The following FHAD1 variants were observed in gnomAD, a reference collection of about 807,000 sequenced individuals.
FHAD1 encodes forkhead-associated domain-containing protein 1.
FHAD1 carries 146 observed loss-of-function variants against 191.3 expected under a neutral mutation model. The observed-to-expected ratio is 0.76, with a 90% CI of 0.67 to 0.88. FHAD1 has a LOEUF of 0.88. Among genes scored for constraint, FHAD1 ranks in the 40% least tolerant of loss-of-function variants. The pLI, the probability that FHAD1 is intolerant of heterozygous loss-of-function variation, is 0.00. For synonymous variants in FHAD1, 616 were observed against 672.3 expected (o/e 0.92, Z 1.29); for missense variants, 1,635 against 1,785.8 (o/e 0.92, Z 1.52).
At chr1:15,328,547 C>A (rs1679843224) in intron 13 of FHAD1, 118 bp downstream of exon 13, 3 of 838,556 alleles carry the variant, frequency 3.6e-6, no homozygotes. Flanking sequence ...GCTTTTCTAT[C>A]CACTTTTTCC....
chr1:15,302,463 C>T (rs1210804156), intron 6 of FHAD1, among the ~76,000 whole-genome samples: 2 of 152,044 alleles, frequency 1.3e-5, no homozygotes, highest in Non-Finnish European at 2.9e-5. Flanking sequence ...CGGTGGCGCA[C>T]GCCTGTAATC....
At chr1:15,368,980 G>A (rs568434100) in intron 25 of FHAD1, among the ~76,000 whole-genome samples, 14 of 152,258 alleles carry the variant, frequency 9.2e-5, no homozygotes, top group Non-Finnish European at 1.5e-5. Context: ...TTACAAGAAA[G>A]GTGACTGCAG....
chr1:15,390,536 C>T lies in FHAD1; in HGVS notation c.4270-674C>T, dbSNP rs1703723239. Among the ~76,000 whole-genome samples, 5 of 152,052 alleles carry T rather than the reference C, an allele frequency of 3.3e-5. No individual in the cohort carries two copies. In the South Asian group the frequency reaches 1.0e-3, roughly 32 times the overall value. ...CTCACCGCCTTCTTTGACTTCCTGG[C>T]CCCTGTAGGCATGAGGTTGGTGACC... is the stretch of plus-strand genomic sequence containing the variant. On this transcript the variant is annotated intron_variant, in intron 32 of 33. Transcript: ENST00000688493.
At chr1:15,259,160 A>G (rs1003885851) in intron 2 of FHAD1, among the ~76,000 whole-genome samples, 2 of 151,842 alleles carry the variant, frequency 1.3e-5, no homozygotes, top group South Asian at 2.1e-4. Flanking sequence ...TCTGAGACAC[A>G]TTGCTGTCTC....
intron 6 of FHAD1, among the ~76,000 whole-genome samples, chr1:15,307,832 A>G (rs1357246285): frequency 6.6e-6 from 1 of 151,170 alleles, no homozygotes; most frequent in Non-Finnish European, 1.5e-5. Context: ...CCGGGTTCAC[A>G]CCATTCTCCT....
At chr1:15,353,903 G>A (rs1347003128) in intron 20 of FHAD1, among the ~76,000 whole-genome samples, 2 of 151,994 alleles carry the variant, frequency 1.3e-5, no homozygotes, top group East Asian at 1.9e-4. Context: ...AGTGGATTTC[G>A]CACCTGACCC....
chr1:15,380,937 C>G, intron 29 of FHAD1, 141 bp downstream of exon 29: 1 of 664,070 alleles, frequency 1.5e-6, no homozygotes, highest in East Asian at 2.7e-5. Flanking sequence ...ACCTACTATC[C>G]CAGCATGGGT....
intron 1 of FHAD1, among the ~76,000 whole-genome samples, chr1:15,241,117 A>G (rs1344980310): frequency 6.6e-6 from 1 of 152,212 alleles, no homozygotes; most frequent in African/African-American, 2.4e-5. Context: ...CCTGACCCAC[A>G]GAATCTGTGA....
upstream of FHAD1, among the ~76,000 whole-genome samples, chr1:15,244,701 A>G (rs10927748): frequency 0.11 from 17,489 of 152,198 alleles, 2,220 homozygotes; most frequent in African/African-American, 0.32. This position sits in a 1 kb window ranked among gnomAD's most constrained non-coding sequence, Gnocchi z 5.1. Flanking sequence ...GCACAGCAGC[A>G]AACAAAACAT....
At chr1:15,321,935 A>G (rs150796663) in intron 10 of FHAD1, among the ~76,000 whole-genome samples, 2 of 152,386 alleles carry the variant, frequency 1.3e-5, no homozygotes, top group Admixed American at 6.5e-5. Context: ...CTTTCAGCAC[A>G]TTACAGATGA....
chr1:15,384,571 C>T (rs1483562895), intron 31 of FHAD1: 1 of 152,218 alleles, frequency 6.6e-6, no homozygotes, highest in East Asian at 1.9e-4. Context: ...ATAATCAGTC[C>T]ACATGCATTA....
intron 6 of FHAD1, among the ~76,000 whole-genome samples, chr1:15,301,783 T>G (rs909300330): frequency 6.6e-6 from 1 of 152,218 alleles, no homozygotes; most frequent in Admixed American, 6.5e-5. Flanking sequence ...ATCTGGCACT[T>G]TGGGAGGCTG....
At chr1:15,323,664 C>T (rs1403555042) in intron 10 of FHAD1, among the ~76,000 whole-genome samples, 1 of 152,076 alleles carries the variant, frequency 6.6e-6, no homozygotes, top group Non-Finnish European at 1.5e-5. Context: ...CAGCAGATGC[C>T]CAAAATGTTC....
At chr1:15,240,062 G>A (rs1226149024) in intron 1 of FHAD1, among the ~76,000 whole-genome samples, 1 of 152,182 alleles carries the variant, frequency 6.6e-6, no homozygotes, top group East Asian at 1.9e-4. Context: ...CTTATTTTAA[G>A]CTGTAGAATA....
At position 15,362,660 on chromosome 1, in the gene FHAD1, C is replaced by T. The variant is rs369049977; in HGVS notation, c.2981C>T (p.Pro994Leu). The change falls in exon 23 of 34, where the codon CCG becomes CTG. Residue 994 changes from proline to leucine, a missense_variant. Transcript: ENST00000688493. ...DNDPAPKEER[P>L]QDPLVAPMTE... ...GATACAGCCCCAAAGGAGGAAAGGC[C>T]GCAAGACCCTCTGGTGGCTCCCATG... 286 of 1,551,646 alleles carry T rather than the reference C, an allele frequency of 1.8e-4. No individual in the cohort carries two copies. The highest frequency in any genetic ancestry group is 2.2e-4 in the Non-Finnish European group (253 of 1,146,982).
In FHAD1 at chr1:15,247,300, G is replaced by T. The variant is rs552186472; in HGVS notation, c.-110G>T. On this transcript the variant is annotated 5_prime_UTR_variant, in exon 1 of 34. Coordinates refer to ENST00000688493, the MANE Select transcript of FHAD1 (RefSeq NM_001391957.1). ...TGCGAGCTGGAGACTCCGCGGGAGC[G>T]CGGCCGGGAGGCTTCGCCCCGGAGC... 13 of 202,150 alleles carry T rather than the reference G, an allele frequency of 6.4e-5. No homozygotes were observed. The highest frequency in any genetic ancestry group is 3.7e-4 in the East Asian group (2 of 5,388). 12.5% of individuals were successfully genotyped at this position (202,150 alleles called of 1,614,324 possible).
chr1:15,386,870 T>A (rs1702243302), intron 31 of FHAD1, among the ~76,000 whole-genome samples: 1 of 151,428 alleles, frequency 6.6e-6, no homozygotes, highest in African/African-American at 2.4e-5. Context: ...TGTTTGTTTG[T>A]TTATTTGTTT....
At chr1:15,359,146 G>A (rs935183323) in intron 21 of FHAD1, among the ~76,000 whole-genome samples, 3 of 152,106 alleles carry the variant, frequency 2.0e-5, no homozygotes, top group African/African-American at 7.2e-5. Context: ...ATGGTGGGGG[G>A]TTCTCTTGGA....
chr1:15,390,189 T>C (rs1336892902), intron 32 of FHAD1, among the ~76,000 whole-genome samples: 1 of 151,636 alleles, frequency 6.6e-6, no homozygotes, highest in Non-Finnish European at 1.5e-5. Context: ...CTACTAAAAA[T>C]ACAAAAATTA....
Sources: gnomAD v4.1 joint callset for allele counts (sites outside exome capture counted in the v4.1 genomes callset) on GRCh38, gnomAD v4.1.1 for gene constraint, Gnocchi (gnomAD v3.1) non-coding constraint, MANE v1.5 for transcripts, NCBI Gene and HGNC (gene_info 2026-07-23, HGNC 2026-07-21) for gene names.